Variants in MBD5 observed in about 807,000 individuals in gnomAD.
The protein encoded by MBD5 is methyl-CpG binding domain protein 5.
MBD5 carries 13 observed loss-of-function variants against 117.3 expected under a neutral mutation model. That is an observed-to-expected ratio of 0.11 (90% CI 0.07 to 0.18). The LOEUF is 0.18. MBD5 is among the 10% of genes least tolerant of loss of function. MBD5 has a pLI of 1.00. For missense variants in MBD5, 1,879 were observed against 2,093.8 expected (o/e 0.90, Z 2.00); for synonymous variants, 727 against 766.4 (o/e 0.95, Z 0.85).
chr2:148,256,622 A>C (rs554221395), intron 3 of MBD5, among the ~76,000 whole-genome samples: 2 of 152,350 alleles, frequency 1.3e-5, no homozygotes, highest in East Asian at 1.9e-4. Flanking sequence ...CCCATTGGCT[A>C]CTTTGTCCAC....
intron 3 of MBD5, among the ~76,000 whole-genome samples, chr2:148,311,320 C>A (rs1301115178): frequency 6.6e-6 from 1 of 152,126 alleles, no homozygotes; most frequent in Non-Finnish European, 1.5e-5. Context: ...CATTATGAAT[C>A]TCTCAGTGCT....
At chr2:148,144,344 T>G (rs1228397751) in intron 1 of MBD5, among the ~76,000 whole-genome samples, 1 of 152,150 alleles carries the variant, frequency 6.6e-6, no homozygotes, top group Non-Finnish European at 1.5e-5. Context: ...ATTCTGGATA[T>G]TAGCCCTTTG....
intron 11 of MBD5, among the ~76,000 whole-genome samples, chr2:148,496,218 GT>G (rs1444355466): frequency 1.3e-5 from 2 of 152,172 alleles, no homozygotes; most frequent in Non-Finnish European, 2.9e-5. Flanking sequence ...TCAATGCCCT[GT>G]CAGCACCAGA....
intron 3 of MBD5, among the ~76,000 whole-genome samples, chr2:148,302,202 T>C (rs1701789581): frequency 6.6e-6 from 1 of 152,238 alleles, no homozygotes; most frequent in Admixed American, 6.5e-5. Context: ...CCTCTTGCTG[T>C]GGGCATGAAG....
chr2:148,333,122 C>T (rs1702701411), intron 3 of MBD5, among the ~76,000 whole-genome samples: 1 of 152,024 alleles, frequency 6.6e-6, no homozygotes, highest in South Asian at 2.1e-4. Context: ...TAGTTCTTCT[C>T]TTATATGTTA....
intron 4 of MBD5, among the ~76,000 whole-genome samples, chr2:148,364,271 A>T (rs1703630241): frequency 6.6e-6 from 1 of 152,192 alleles, no homozygotes; most frequent in Non-Finnish European, 1.5e-5. Flanking sequence ...GATAAATAAA[A>T]TCCTTTACAG....
At chr2:148,327,584 C>T (rs1413181385) in intron 3 of MBD5, among the ~76,000 whole-genome samples, 2 of 151,824 alleles carry the variant, frequency 1.3e-5, no homozygotes, top group African/African-American at 2.4e-5. Flanking sequence ...CGCTTCATTT[C>T]ATTCATTTCA....
chr2:148,215,451 T>C (rs936836025), intron 2 of MBD5, among the ~76,000 whole-genome samples: 4 of 152,336 alleles, frequency 2.6e-5, no homozygotes, highest in African/African-American at 9.6e-5. Flanking sequence ...TGATATATAA[T>C]TTATCCACAG....
At chr2:148,277,721 A>G (rs1275283870) in intron 3 of MBD5, among the ~76,000 whole-genome samples, 2 of 151,992 alleles carry the variant, frequency 1.3e-5, no homozygotes, top group Non-Finnish European at 2.9e-5. Flanking sequence ...ATTGGTCTAT[A>G]TTATCATTAT....
chr2:148,320,438 C>T (rs139190334), intron 3 of MBD5, among the ~76,000 whole-genome samples: 7 of 152,236 alleles, frequency 4.6e-5, no homozygotes, highest in South Asian at 2.1e-4. Flanking sequence ...ACTGCAGCCT[C>T]GACCTCTCAG....
intron 3 of MBD5, among the ~76,000 whole-genome samples, chr2:148,296,864 A>ATATTTTTTTTTTTTTTTT (rs1701665812): frequency 1.6e-5 from 1 of 61,310 alleles, no homozygotes; most frequent in East Asian, 7.3e-4. Context: ...TAGTTCTTCA[A>ATATTTTTTTTTTTTTTTT]TTTTTTTTTT....
intron 4 of MBD5, among the ~76,000 whole-genome samples, chr2:148,437,139 G>A (rs1233004676): frequency 2.7e-5 from 4 of 150,610 alleles, no homozygotes; most frequent in Middle Eastern, 3.4e-3. Context: ...CGTGCACCGC[G>A]CCTGGCTAAT....
At chr2:148,285,984 A>T (rs1701359988) in intron 3 of MBD5, among the ~76,000 whole-genome samples, 2 of 152,022 alleles carry the variant, frequency 1.3e-5, no homozygotes, top group African/African-American at 4.8e-5. Context: ...TTTAGTAAAA[A>T]TTTTAATAAG....
At chr2:148,430,767 T>C (rs1705960368) in intron 4 of MBD5, among the ~76,000 whole-genome samples, 1 of 152,126 alleles carries the variant, frequency 6.6e-6, no homozygotes, top group Non-Finnish European at 1.5e-5. Context: ...AAATCAACCT[T>C]AAACTCTAAA....
In MBD5 at chr2:148,326,950, G is replaced by T. The variant is rs547754147; in HGVS notation, c.-679-15264G>T. ...CCAGTCTCGATGGTCTTTACATTTT[G>T]GCATGATTTTGCAGCGGCTGGTACC... On this transcript the variant is annotated intron_variant, in intron 3 of 13. Coordinates refer to ENST00000642680, the MANE Select transcript of MBD5 (RefSeq NM_001378120.1). 5.5e-3 allele frequency among the ~76,000 whole-genome samples: 829 copies of T among 151,180 alleles called. 11 individuals carry two copies. Among genetic ancestry groups the T allele is most frequent in the African/African-American group, 0.02 (803 of 41,014 alleles).
chr2:148,257,062 T>G (rs1473689409), intron 3 of MBD5, among the ~76,000 whole-genome samples: 1 of 152,222 alleles, frequency 6.6e-6, no homozygotes, highest in African/African-American at 2.4e-5. Context: ...GTGGCATATA[T>G]AGCTGCTAGC....
intron 2 of MBD5, among the ~76,000 whole-genome samples, chr2:148,232,610 G>A (rs1449960): frequency 0.6 from 91,024 of 151,230 alleles, 27,624 homozygotes; most frequent in East Asian, 0.72. Context: ...AGTAGCTAGG[G>A]CTATAGTATA....
intron 3 of MBD5, among the ~76,000 whole-genome samples, chr2:148,315,851 T>C (rs1175394728): frequency 1.3e-5 from 2 of 152,192 alleles, no homozygotes; most frequent in Admixed American, 6.5e-5. Context: ...CAAGACTAAT[T>C]TTAACACCAG....
chr2:148,240,258 G>A (rs1299774119), intron 3 of MBD5, among the ~76,000 whole-genome samples: 1 of 152,096 alleles, frequency 6.6e-6, no homozygotes, highest in African/African-American at 2.4e-5. Context: ...CACACACTGG[G>A]GCCTGTCGTG....
Sources: gnomAD v4.1 joint callset for allele counts (sites outside exome capture counted in the v4.1 genomes callset) on GRCh38, gnomAD v4.1.1 for gene constraint, MANE v1.5 for transcripts, NCBI Gene and HGNC (gene_info 2026-07-23, HGNC 2026-07-21) for gene names.